The following ASTN2 variants were observed in gnomAD, a reference collection of about 807,000 sequenced individuals.
The protein encoded by ASTN2 is astrotactin-2.
A neutral mutation model predicts 139.8 loss-of-function variants in ASTN2; 54 were observed. The observed-to-expected ratio is 0.39, with a 90% confidence interval of 0.31 to 0.48. The LOEUF is 0.48. ASTN2 is among the 20% of genes least tolerant of loss of function. ASTN2 has a pLI of 0.95. For missense variants in ASTN2, 1,565 were observed against 1,725.1 expected, an observed-to-expected ratio of 0.91 and a Z score of 1.64; for synonymous variants, 756 against 719.5, an observed-to-expected ratio of 1.05 and a Z score of -0.81.
intron 5 of ASTN2, among the ~76,000 whole-genome samples, chr9:117,089,317 A>G (rs552414662): frequency 3.3e-5 from 5 of 152,178 alleles, no homozygotes; most frequent in African/African-American, 9.7e-5. Flanking sequence ...TCTTTGCTCT[A>G]TGGAGTACTA....
rs892080393 is a variant in ASTN2, at chr9:116,685,964, G to GA, written c.2807-34172dup. Reference sequence around the variant, plus strand: ...TTGGGCTGATAACTGTGGTTTTCAGGAAAAAAAAAAATTTTAAACGGGTGC... The same window carrying GA: ...TTGGGCTGATAACTGTGGTTTTCAGGAAAAAAAAAAAATTTTAAACGGGTGC... On this transcript the variant is annotated intron_variant, in intron 16 of 22. Transcript: ENST00000313400. Among the ~76,000 whole-genome samples the GA allele has an allele frequency of 3.0e-3, 439 of 147,286 alleles. 3 individuals are homozygous for GA. Among genetic ancestry groups the GA allele is most frequent in the African/African-American group, 9.5e-3 (384 of 40,246 alleles).
At chr9:116,674,326 G>A (rs1859374304) in intron 16 of ASTN2, among the ~76,000 whole-genome samples, 1 of 152,208 alleles carries the variant, frequency 6.6e-6, no homozygotes, top group Non-Finnish European at 1.5e-5. Flanking sequence ...GTGAAAGAGA[G>A]GCTACAGGGC....
At chr9:116,678,986 GA>G (rs1401438077) in intron 16 of ASTN2, among the ~76,000 whole-genome samples, 3 of 152,182 alleles carry the variant, frequency 2.0e-5, no homozygotes, top group Admixed American at 6.5e-5. Context: ...AAAAGATAAT[GA>G]AAGGGTTTCG....
intron 16 of ASTN2, among the ~76,000 whole-genome samples, chr9:116,678,269 G>A (rs1020858272): frequency 3.3e-5 from 5 of 152,166 alleles, no homozygotes; most frequent in Admixed American, 2.0e-4. Context: ...GGGGACAAAT[G>A]GAGAGCCATG....
intron 19 of ASTN2, among the ~76,000 whole-genome samples, chr9:116,508,495 T>C (rs1355696750): frequency 6.6e-6 from 1 of 152,176 alleles, no homozygotes; most frequent in Non-Finnish European, 1.5e-5. Context: ...AGTGTGTGTG[T>C]GTGTGTGTAC....
intron 4 of ASTN2, among the ~76,000 whole-genome samples, chr9:117,115,545 T>C (rs1829362631): frequency 6.6e-6 from 1 of 151,912 alleles, no homozygotes; most frequent in African/African-American, 2.4e-5. Context: ...CAAAACAAAA[T>C]ATCTATTCTA....
chr9:116,819,541 A>T (rs1342646454), intron 12 of ASTN2, among the ~76,000 whole-genome samples: 2 of 152,208 alleles, frequency 1.3e-5, no homozygotes, highest in African/African-American at 2.4e-5. Flanking sequence ...GAATCATACA[A>T]GTTTAATTCA....
At position 116,732,067 on chromosome 9, in the gene ASTN2, T is replaced by C. The variant is rs372358952; in HGVS notation, c.2521+1332A>G. On this transcript the variant is annotated intron_variant, in intron 14 of 22. Transcript: ENST00000313400. Reference sequence around the variant, plus strand: ...TTTTGTAACATTTTACAAGGTGTCTTTTACATCCATCATTTCATTTGATCT... The same window carrying C: ...TTTTGTAACATTTTACAAGGTGTCTCTTACATCCATCATTTCATTTGATCT... Among the ~76,000 whole-genome samples, 8 of 152,212 alleles carry C rather than the reference T, an allele frequency of 5.3e-5. No individual in the cohort carries two copies. In the East Asian group the frequency reaches 5.8e-4, roughly 11 times the overall value.
At chr9:116,571,577 G>T (rs1346247221) in intron 19 of ASTN2, among the ~76,000 whole-genome samples, 1 of 152,158 alleles carries the variant, frequency 6.6e-6, no homozygotes, top group Non-Finnish European at 1.5e-5. Context: ...GTCTGTGTCT[G>T]TTTGTGCTGG....
intron 11 of ASTN2, among the ~76,000 whole-genome samples, chr9:116,858,055 A>G (rs979059742): frequency 1.3e-5 from 2 of 152,202 alleles, no homozygotes; most frequent in Non-Finnish European, 2.9e-5. Flanking sequence ...GCCCCAGCTC[A>G]GGTCCAGCAT....
At chr9:116,707,301 A>G (rs1389386695) in intron 16 of ASTN2, among the ~76,000 whole-genome samples, 1 of 151,010 alleles carries the variant, frequency 6.6e-6, no homozygotes, top group African/African-American at 2.4e-5. Flanking sequence ...AAAAAAAAAA[A>G]AAAAAAAAAA....
At chr9:116,471,071 A>G (rs927195795) in intron 20 of ASTN2, among the ~76,000 whole-genome samples, 1 of 152,222 alleles carries the variant, frequency 6.6e-6, no homozygotes, top group Non-Finnish European at 1.5e-5. Flanking sequence ...ATATCTGTGT[A>G]GAAGCCAGCA....
intron 16 of ASTN2, among the ~76,000 whole-genome samples, chr9:116,653,928 A>G (rs904113595): frequency 2.6e-5 from 4 of 152,238 alleles, no homozygotes; most frequent in South Asian, 4.1e-4. Context: ...AAAGAAGGGT[A>G]GTTACTAAGA....
chr9:116,837,013 G>A (rs867633435), intron 11 of ASTN2, among the ~76,000 whole-genome samples: 1 of 152,022 alleles, frequency 6.6e-6, no homozygotes, highest in African/African-American at 2.4e-5. Context: ...CCATGTTAAG[G>A]CACCTGGAGT....
intron 16 of ASTN2, among the ~76,000 whole-genome samples, chr9:116,654,086 G>A (rs569961127): frequency 2.6e-5 from 4 of 152,296 alleles, no homozygotes; most frequent in East Asian, 1.9e-4. Context: ...GAGAATAGCC[G>A]TTCGGGGAGA....
chr9:117,090,669 T>C (rs562905226), intron 5 of ASTN2, among the ~76,000 whole-genome samples: 3 of 152,318 alleles, frequency 2.0e-5, no homozygotes, highest in Admixed American at 1.3e-4. Context: ...CACTGGGTGC[T>C]TACTCTGTGA....
intron 19 of ASTN2, among the ~76,000 whole-genome samples, chr9:116,519,101 A>C (rs924736317): frequency 2.0e-5 from 3 of 152,146 alleles, no homozygotes; most frequent in African/African-American, 7.2e-5. Flanking sequence ...GGTCAACAAG[A>C]CAGAAAATCA....
chr9:117,094,359 A>G (rs1828788373), intron 5 of ASTN2, among the ~76,000 whole-genome samples: 2 of 151,948 alleles, frequency 1.3e-5, no homozygotes, highest in African/African-American at 4.8e-5. Context: ...TCTAAGTTGA[A>G]CTCCAATTTA....
At chr9:117,001,521 C>T (rs1837189976) in intron 7 of ASTN2, among the ~76,000 whole-genome samples, 1 of 152,092 alleles carries the variant, frequency 6.6e-6, no homozygotes, top group South Asian at 2.1e-4. Context: ...ACCTTCCCAA[C>T]CTCATCCCCT....
Sources: gnomAD v4.1 joint callset for allele counts (sites outside exome capture counted in the v4.1 genomes callset) on GRCh38, gnomAD v4.1.1 for gene constraint, MANE v1.5 for transcripts, NCBI Gene and HGNC (gene_info 2026-07-23, HGNC 2026-07-21) for gene names.